Variants in ANKRD36C observed in about 807,000 individuals in gnomAD.
The protein encoded by ANKRD36C is ankyrin repeat domain-containing protein 36C.
In ANKRD36C, 61 loss-of-function variants were observed where a neutral mutation model predicts 276.4. That is an observed-to-expected ratio of 0.22 (90% CI 0.18 to 0.27). The LOEUF (loss-of-function observed/expected upper bound fraction) is 0.27, where lower values mean the gene tolerates loss of function less well. Ranked by LOEUF, ANKRD36C falls within the 10% of genes least tolerant of loss-of-function variation. The probability of loss-of-function intolerance (pLI) is 1.00; values close to 1 mark genes in which losing one functional copy is unlikely to be tolerated. For missense variants in ANKRD36C, 1,447 were observed against 2,032.3 expected (o/e 0.71, Z 5.54); for synonymous variants, 483 against 680.1 (o/e 0.71, Z 4.51).
intron 3 of ANKRD36C, among the ~76,000 whole-genome samples, chr2:95,984,631 A>G (rs1678992883): frequency 6.6e-6 from 1 of 152,136 alleles, no homozygotes; most frequent in Non-Finnish European, 1.5e-5. Flanking sequence ...TGTTACTAAG[A>G]GTCATAATAC....
intron 53 of ANKRD36C, 23 bp from the exon 74 acceptor site, chr2:95,884,268 T>C (rs1467993825): frequency 6.2e-7 from 1 of 1,609,924 alleles, no homozygotes; most frequent in Non-Finnish European, 8.5e-7. Flanking sequence ...TGAAACAAAA[T>C]AATAAATCAA....
rs570833176 is a variant in ANKRD36C at position 95,970,150 on chromosome 2, C to T, written c.800-7603G>A. 7.2e-5 allele frequency among the ~76,000 whole-genome samples: 11 copies of T among 152,216 alleles called. No individual in the cohort carries two copies. The South Asian group carries it at 1.7e-3, about 23-fold the overall frequency. On this transcript the variant is annotated intron_variant, in intron 6 of 66. Coordinates refer to ENST00000456556, the Ensembl canonical transcript of ANKRD36C. ...CTGTACTCTGTTCTATGGCAAAACA[C>T]AGGATACAGAGCAGGGTCAAGGATC...
Position 95,853,697 on chromosome 2 carries a change from T to A in ANKRD36C, c.5148+12A>T. The stretch of plus-strand genomic sequence containing the variant: ...GATTAACAGTTGTTGGTGTGCAAAG[T>A]TGCATACATACTTGACTTCTCATCT... On this transcript the variant is annotated intron_variant, in intron 64 of 66. Transcript: ENST00000456556. 6.4e-7 allele frequency: 1 copy of A among 1,566,256 alleles called. No homozygotes were observed. Among genetic ancestry groups the A allele is most frequent in the Non-Finnish European group, 8.7e-7 (1 of 1,154,428 alleles).
At chr2:95,985,672 GCA>G (rs1679012396) in intron 3 of ANKRD36C, among the ~76,000 whole-genome samples, 1 of 152,174 alleles carries the variant, frequency 6.6e-6, no homozygotes, top group African/African-American at 2.4e-5. Context: ...CTGCGAACCA[GCA>G]CAGTTGATAA....
exon 31 of ANKRD36C, chr2:95,923,662 T>C: frequency 6.2e-7 from 1 of 1,610,586 alleles, no homozygotes; most frequent in Non-Finnish European, 8.5e-7. Flanking sequence ...TTTAATTACC[T>C]TTGAGGGTGG....
intron 3 of ANKRD36C, among the ~76,000 whole-genome samples, chr2:95,983,220 G>C (rs1328748234): frequency 6.6e-6 from 1 of 151,748 alleles, no homozygotes; most frequent in South Asian, 2.1e-4. Context: ...GGAGAGCCGG[G>C]CTCTGAATTA....
intron 1 of ANKRD36C, among the ~76,000 whole-genome samples, chr2:95,990,003 C>T (rs1015111003): frequency 2.0e-5 from 3 of 152,058 alleles, no homozygotes; most frequent in African/African-American, 7.2e-5. Flanking sequence ...TATGTATATA[C>T]ACATATTGTC....
chr2:95,892,938 C>A (rs372006927), intron 44 of ANKRD36C, among the ~76,000 whole-genome samples: 72 of 150,950 alleles, frequency 4.8e-4, no homozygotes, highest in Non-Finnish European at 8.9e-4. Flanking sequence ...CTTCTTCCAG[C>A]AGTTCCTGCA....
At chr2:95,963,972 A>AATAT (rs1160108122) in intron 6 of ANKRD36C, among the ~76,000 whole-genome samples, 888 of 48,452 alleles carry the variant, frequency 0.018, 6 homozygotes, top group Non-Finnish European at 0.024. Context: ...TATATATATA[A>AATAT]ATATATATAT....
At chr2:95,889,936 A>G in intron 47 of ANKRD36C, 30 bp downstream of exon 67, 1 of 1,609,674 alleles carries the variant, frequency 6.2e-7, no homozygotes, top group East Asian at 2.2e-5. Context: ...TACAGTTAAT[A>G]GTTCAAAATA....
intron 38 of ANKRD36C, among the ~76,000 whole-genome samples, chr2:95,915,552 A>AT (rs1677067467): frequency 6.6e-6 from 1 of 151,620 alleles, no homozygotes; most frequent in East Asian, 2.0e-4. Flanking sequence ...TAATTGCTAC[A>AT]TCAGGGGTCT....
At chr2:95,894,210 T>C (rs924808490) in intron 44 of ANKRD36C, 4 of 196,870 alleles carry the variant, frequency 2.0e-5, no homozygotes, top group Non-Finnish European at 4.2e-5. Flanking sequence ...CAGTTAAACT[T>C]ACACTTCACA....
At chr2:95,927,469 A>G in intron 26 of ANKRD36C, 60 bp from the exon 27 acceptor site, 2 of 1,600,846 alleles carry the variant, frequency 1.2e-6, no homozygotes, top group East Asian at 4.5e-5. Flanking sequence ...TTATCCATAC[A>G]TTCATGAAGT....
intron 38 of ANKRD36C, 23 bp downstream of exon 40, chr2:95,915,957 T>A: frequency 6.5e-7 from 1 of 1,542,378 alleles, no homozygotes; most frequent in Non-Finnish European, 8.7e-7. Context: ...GAACATGACA[T>A]TAAATGTGTT....
At chr2:95,967,091 C>T (rs574837270) in intron 6 of ANKRD36C, among the ~76,000 whole-genome samples, 1 of 152,260 alleles carries the variant, frequency 6.6e-6, no homozygotes, top group African/African-American at 2.4e-5. Flanking sequence ...ACCATCATGT[C>T]ATCTGCAAAC....
At chr2:95,984,889 A>T (rs1439451325) in intron 3 of ANKRD36C, among the ~76,000 whole-genome samples, 2 of 152,190 alleles carry the variant, frequency 1.3e-5, no homozygotes, top group Non-Finnish European at 2.9e-5. Flanking sequence ...TATTCTCTGT[A>T]TTCTTACTAA....
intron 14 of ANKRD36C, 48 bp downstream of exon 14, chr2:95,953,891 A>G: frequency 4.1e-6 from 6 of 1,459,492 alleles, no homozygotes; most frequent in Non-Finnish European, 5.5e-6. Context: ...ATAATATAAA[A>G]AAAGAGATTC....
chr2:95,926,973 T>A (rs373263284), intron 28 of ANKRD36C, among the ~76,000 whole-genome samples: 9 of 151,738 alleles, frequency 5.9e-5, no homozygotes, highest in East Asian at 5.8e-4. Flanking sequence ...CTGACTCCTT[T>A]TGTCTTTAAT....
intron 58 of ANKRD36C, 34 bp downstream of exon 78, chr2:95,880,393 C>T (rs1160949245): frequency 6.0e-6 from 9 of 1,490,572 alleles, no homozygotes; most frequent in Non-Finnish European, 7.3e-6. Flanking sequence ...TAATGTACTT[C>T]TTTCCAGAGT....
Sources: allele counts gnomAD v4.1 joint callset (sites outside exome capture counted in the v4.1 genomes callset), GRCh38; gene constraint gnomAD v4.1.1; transcripts MANE v1.5; gene names NCBI Gene and HGNC (gene_info 2026-07-23, HGNC 2026-07-21).